Variants in CCR6 observed in about 807,000 individuals in gnomAD.
CCR6 encodes C-C motif chemokine receptor 6.
In CCR6, 2 loss-of-function variants were observed where a neutral mutation model predicts 3.0. The observed-to-expected ratio is 0.66, with a 90% CI of 0.27 to 2.07. The LOEUF is 2.07. CCR6 is among the 30% of genes most tolerant of loss of function. The pLI is 0.14. For synonymous variants in CCR6, 193 were observed against 184.3 expected (o/e 1.05, Z -0.38); for missense variants, 322 against 462.8 (o/e 0.70, Z 2.79).
At chr6:167,117,479 C>G (rs1256292410) in intron 1 of CCR6, among the ~76,000 whole-genome samples, 15 of 141,176 alleles carry the variant, frequency 1.1e-4, no homozygotes, top group Non-Finnish European at 2.1e-4. Context: ...CGCAGTGGCA[C>G]GATCTCGACT....
intron 1 of CCR6, among the ~76,000 whole-genome samples, chr6:167,131,007 C>CCCTCCCTCCGGGACT (rs1781754339): frequency 6.7e-6 from 1 of 149,478 alleles, no homozygotes; most frequent in African/African-American, 2.5e-5. Flanking sequence ...CCTTTGGGAC[C>CCCTCCCTCCGGGACT]CCTCCTTCTG....
Position 167,137,218 on chromosome 6 carries a change from A to C in CCR6, c.988A>C (p.Ile330Leu), listed in dbSNP as rs780711411. The C allele has an allele frequency of 6.2e-7, 1 of 1,614,188 alleles. No homozygotes were observed. The highest frequency in any genetic ancestry group is 1.1e-5 in the South Asian group (1 of 91,084). Residue 330 changes from isoleucine to leucine, a missense_variant, in exon 3 of 3, where the codon ATC (isoleucine) becomes CTC (leucine). Coordinates refer to ENST00000341935, the MANE Select transcript of CCR6 (RefSeq NM_031409.4). The surrounding 1 kb of genome is among the most constrained non-coding windows in gnomAD (Gnocchi z 4.6). ...GQKFRNYFLK[I>L]LKDLWCVRRK... ...GAAGTTCAGAAACTACTTTCTGAAGATCTTGAAGGACCTGTGGTGTGTGAG... is the reference window on the plus strand; with the variant it reads ...GAAGTTCAGAAACTACTTTCTGAAGCTCTTGAAGGACCTGTGGTGTGTGAG...
chr6:167,128,526 C>A (rs1781706230), intron 1 of CCR6, among the ~76,000 whole-genome samples: 1 of 152,232 alleles, frequency 6.6e-6, no homozygotes, highest in African/African-American at 2.4e-5. Flanking sequence ...TTTGCTGCTG[C>A]TGCACTTTCA....
chr6:167,133,940 A>G lies in CCR6; in HGVS notation c.-97-2098A>G, dbSNP rs1274353139. On this transcript the variant is annotated intron_variant, in intron 1 of 2. Coordinates refer to ENST00000341935, the MANE Select transcript of CCR6 (RefSeq NM_031409.4). ...ATATATGATATATGTGTGTATATAT[A>G]TATATATATATATATATATATATAT... Among the ~76,000 whole-genome samples, 351 of 35,142 alleles carry G rather than the reference A, an allele frequency of 1.0e-2. 18 individuals are homozygous for G. In the East Asian group the frequency reaches 0.12, roughly 12 times the overall value. The allele number at this position is 35,142 out of a possible 152,430, so 23.1% of individuals were successfully genotyped here. A position where few individuals can be genotyped will look rare whatever the true frequency, so the allele number is the denominator to read the frequency against.
intron 1 of CCR6, among the ~76,000 whole-genome samples, chr6:167,132,137 C>T (rs745922251): frequency 6.6e-6 from 1 of 152,174 alleles, no homozygotes; most frequent in African/African-American, 2.4e-5. Flanking sequence ...GAGTCACCCC[C>T]GTTGGAGCAT....
chr6:167,113,265 C>T (rs2114906961), intron 1 of CCR6, among the ~76,000 whole-genome samples: 1 of 152,202 alleles, frequency 6.6e-6, no homozygotes. Context: ...TACACTGGCT[C>T]TTATTTTAGG....
At chr6:167,116,656 TTTCCAGTGGCCCTC>T (rs1205920416) in intron 1 of CCR6, 1 of 152,670 alleles carries the variant, frequency 6.6e-6, no homozygotes, top group East Asian at 1.9e-4. Flanking sequence ...CCGCCCCTCA[TTTCCAGTGGCCCTC>T]TTGCTTTCTC....
chr6:167,135,836 T>C (rs1471326429), intron 1 of CCR6, among the ~76,000 whole-genome samples: 4 of 152,232 alleles, frequency 2.6e-5, no homozygotes, highest in African/African-American at 4.8e-5. Context: ...AGAGACCATA[T>C]GGCCTGAAAA....
Position 167,112,805 on chromosome 6 carries a change from C to T in CCR6, c.-98+791C>T, listed in dbSNP as rs527362500. On this transcript the variant is annotated intron_variant, in intron 1 of 2. Transcript: ENST00000400926. Reference sequence around the variant, plus strand: ...AGACACAGAGAAGCCCAGAGCCAGCCTCGTGGAATACACAGATGTGTCTGG... The same window carrying T: ...AGACACAGAGAAGCCCAGAGCCAGCTTCGTGGAATACACAGATGTGTCTGG... Among the ~76,000 whole-genome samples, 312 of 152,150 alleles carry T rather than the reference C, an allele frequency of 2.1e-3. 2 individuals carry two copies. The highest frequency in any genetic ancestry group is 7.2e-3 in the African/African-American group (297 of 41,472).
chr6:167,124,138 C>G (rs561425528), intron 1 of CCR6, among the ~76,000 whole-genome samples: 101 of 152,120 alleles, frequency 6.6e-4, no homozygotes, highest in African/African-American at 2.3e-3. Context: ...TTGTAGAGAT[C>G]AGCTTTATAA....
intron 1 of CCR6, among the ~76,000 whole-genome samples, chr6:167,113,291 G>T (rs569991896): frequency 2.0e-5 from 3 of 152,082 alleles, no homozygotes; most frequent in Non-Finnish European, 2.9e-5. Context: ...TTCTGATAAG[G>T]GGGGGCTGTT....
At chr6:167,114,062 T>A (rs1781453862) in intron 1 of CCR6, among the ~76,000 whole-genome samples, 1 of 152,248 alleles carries the variant, frequency 6.6e-6, no homozygotes. Context: ...GACACGGCTC[T>A]GGGCTCTGAC....
chr6:167,130,986 T>TGGGCCCCCCTCCCTCCG lies in CCR6; in HGVS notation c.-97-5050_-97-5049insGCCCCCCTCCCTCCGGG, dbSNP rs1371941354. Among the ~76,000 whole-genome samples, 32 of 104,750 alleles carry TGGGCCCCCCTCCCTCCG rather than the reference T, an allele frequency of 3.1e-4. 1 individual carries two copies. The highest frequency in any genetic ancestry group is 1.2e-3 in the African/African-American group (29 of 24,556). The allele number at this position is 104,750 out of a possible 152,430, so 68.7% of individuals were successfully genotyped here. On this transcript the variant is annotated intron_variant, in intron 1 of 2. Coordinates refer to ENST00000341935, the MANE Select transcript of CCR6 (RefSeq NM_031409.4). ...CCTCCCTCTGGGACCACCCTCCCTC[T>TGGGCCCCCCTCCCTCCG]GGACCCCCTCCCTTTGGGACCCCTC...
chr6:167,133,932 G>GTGTATGTATATATATA (rs1183741225), intron 1 of CCR6, among the ~76,000 whole-genome samples: 3 of 110,396 alleles, frequency 2.7e-5, no homozygotes, highest in East Asian at 5.1e-4. Context: ...ATATATGTGT[G>GTGTATGTATATATATA]TATATATATA....
rs1282264186 is a variant in CCR6, at chr6:167,136,804, C to T, written c.574C>T (p.Gln192Ter). Residue 192 changes from glutamine (Q) to a stop codon, truncating the protein, a stop_gained, in exon 3 of 3, where the codon CAA becomes TAA. Coordinates refer to ENST00000341935, the MANE Select transcript of CCR6 (RefSeq NM_031409.4). LOFTEE classifies it low-confidence loss of function (END_TRUNC). The surrounding 1 kb of genome is among the most constrained non-coding windows in gnomAD (Gnocchi z 4.6). The stretch of plus-strand genomic sequence containing the variant: ...TGTCTTCAACCAAAAATACAACACC[C>T]AAGGCAGCGATGTCTGTGAACCCAA... ...TFVFNQKYNT[Q>*]GSDVCEPKYQ... is the part of the protein sequence containing the mutation. The T allele has an allele frequency of 1.9e-6, 3 of 1,613,932 alleles. No homozygotes were observed. In the South Asian group the frequency reaches 3.3e-5, roughly 18 times the overall value.
chr6:167,119,513 A>G (rs1781554444), upstream of CCR6, among the ~76,000 whole-genome samples: 1 of 152,198 alleles, frequency 6.6e-6, no homozygotes, highest in Non-Finnish European at 1.5e-5. Context: ...AATAATTTAT[A>G]ACAGGTGTTC....
At chr6:167,113,767 T>C (rs1781449244) in intron 1 of CCR6, among the ~76,000 whole-genome samples, 1 of 152,264 alleles carries the variant, frequency 6.6e-6, no homozygotes, top group African/African-American at 2.4e-5. Flanking sequence ...ATTGCTGTGT[T>C]GCTGAGTAAA....
upstream of CCR6, among the ~76,000 whole-genome samples, chr6:167,118,816 C>A (rs577717916): frequency 1.3e-5 from 2 of 152,212 alleles, no homozygotes; most frequent in African/African-American, 4.8e-5. Context: ...GCCCCTGGGC[C>A]TTTAGTGAGG....
Position 167,136,280 on chromosome 6 carries a change from A to T in CCR6, c.50A>T (p.Asp17Val). The T allele has an allele frequency of 6.2e-7, 1 of 1,609,546 alleles. No homozygotes were observed. The highest frequency in any genetic ancestry group is 8.5e-7 in the Non-Finnish European group (1 of 1,178,066). ...NFSDVFDSSE[D>V]YFVSVNTSYY... ...AGCGATGTTTTCGACTCCAGTGAAGATTATTTTGTGTCAGTCAATACTTCA... is the reference window on the plus strand; with the variant it reads ...AGCGATGTTTTCGACTCCAGTGAAGTTTATTTTGTGTCAGTCAATACTTCA... Residue 17 changes from aspartate (D) to valine (V), a missense_variant, in exon 3 of 3, where the codon GAT becomes GTT. Transcript: ENST00000341935. The surrounding 1 kb of genome is among the most constrained non-coding windows in gnomAD (Gnocchi z 4.6).
Sources: gnomAD v4.1 joint callset for allele counts (sites outside exome capture counted in the v4.1 genomes callset) on GRCh38, gnomAD v4.1.1 for gene constraint, Gnocchi (gnomAD v3.1) non-coding constraint, MANE v1.5 for transcripts, NCBI Gene and HGNC (gene_info 2026-07-23, HGNC 2026-07-21) for gene names.